The following CMTM7 variants were observed in gnomAD, a reference collection of about 807,000 sequenced individuals.
CMTM7 encodes the protein CKLF-like MARVEL transmembrane domain-containing protein 7.
In CMTM7, 7 loss-of-function variants were observed where a neutral mutation model predicts 19.3. The observed-to-expected ratio is 0.36, with a 90% CI of 0.21 to 0.68. The LOEUF is 0.68. Ranked by LOEUF, CMTM7 falls within the 30% of genes least tolerant of loss-of-function variation. The pLI is 0.60. For synonymous variants in CMTM7, 87 were observed against 99.3 expected, an observed-to-expected ratio of 0.88 and a Z score of 0.74; for missense variants, 193 against 232.6, an observed-to-expected ratio of 0.83 and a Z score of 1.11.
chr3:32,428,429 T>G (rs140072912), intron 1 of CMTM7, among the ~76,000 whole-genome samples: 22 of 152,268 alleles, frequency 1.4e-4, no homozygotes, highest in African/African-American at 4.3e-4. Flanking sequence ...GGAGTTTCAA[T>G]GAACTGTCAA....
At chr3:32,446,647 G>A (rs1486813235) in intron 2 of CMTM7, among the ~76,000 whole-genome samples, 1 of 152,124 alleles carries the variant, frequency 6.6e-6, no homozygotes, top group Non-Finnish European at 1.5e-5. Context: ...GGGCCTAGTG[G>A]GAGGTGTTTG....
At chr3:32,407,000 G>A (rs1287202004) in intron 1 of CMTM7, among the ~76,000 whole-genome samples, 2 of 152,208 alleles carry the variant, frequency 1.3e-5, no homozygotes, top group Non-Finnish European at 2.9e-5. Flanking sequence ...TAATGAGTTA[G>A]CAGCAGCACC....
At chr3:32,428,525 G>C (rs1200458724) in intron 1 of CMTM7, among the ~76,000 whole-genome samples, 1 of 152,224 alleles carries the variant, frequency 6.6e-6, no homozygotes, top group African/African-American at 2.4e-5. Flanking sequence ...AAGAGGTTTA[G>C]AAAGGAGCGA....
intron 1 of CMTM7, among the ~76,000 whole-genome samples, chr3:32,422,101 A>G (rs1696352944): frequency 6.6e-6 from 1 of 152,042 alleles, no homozygotes; most frequent in Non-Finnish European, 1.5e-5. Flanking sequence ...TAACACTCAT[A>G]CTTCCTTCCC....
At chr3:32,430,197 C>G (rs1456744595) in intron 1 of CMTM7, among the ~76,000 whole-genome samples, 1 of 152,008 alleles carries the variant, frequency 6.6e-6, no homozygotes, top group Admixed American at 6.6e-5. Context: ...TCTGTCACAC[C>G]CCCCCCAAAA....
intron 1 of CMTM7, among the ~76,000 whole-genome samples, chr3:32,438,194 G>A (rs1696625894): frequency 6.6e-6 from 1 of 152,186 alleles, no homozygotes; most frequent in East Asian, 1.9e-4. Flanking sequence ...TGAGAGGGTT[G>A]GAGCTGGCGG....
Position 32,434,080 on chromosome 3 carries a change from G to C in CMTM7, c.160-7760G>C, listed in dbSNP as rs347147. On this transcript the variant is annotated intron_variant, in intron 1 of 4. Transcript: ENST00000334983. The stretch of plus-strand genomic sequence containing the variant: ...GGTGGGTGCCTGTAATCCGAGCTAC[G>C]TGGGAGGCTGAGGTGGGAGAATTAC... 4.0e-3 allele frequency among the ~76,000 whole-genome samples: 604 copies of C among 151,864 alleles called. 6 individuals are homozygous for C. Among genetic ancestry groups the C allele is most frequent in the African/African-American group, 0.014 (582 of 41,384 alleles).
At chr3:32,433,257 C>T (rs188167105) in intron 1 of CMTM7, among the ~76,000 whole-genome samples, 11 of 152,204 alleles carry the variant, frequency 7.2e-5, no homozygotes, top group Middle Eastern at 3.4e-3. Context: ...CTTTCTAGCC[C>T]GAACTTTCTA....
chr3:32,422,094 C>A (rs144926923), intron 1 of CMTM7, among the ~76,000 whole-genome samples: 1 of 152,178 alleles, frequency 6.6e-6, no homozygotes, highest in African/African-American at 2.4e-5. Context: ...CTTTGGCTAA[C>A]ACTCATACTT....
intron 1 of CMTM7, among the ~76,000 whole-genome samples, chr3:32,423,354 T>C (rs1478792027): frequency 6.6e-6 from 1 of 152,218 alleles, no homozygotes; most frequent in Non-Finnish European, 1.5e-5. Flanking sequence ...GAAAAATCAA[T>C]ATGTAGATAT....
chr3:32,452,433 A>G lies in CMTM7; in HGVS notation c.474A>G (p.Ile158Met). The part of the protein sequence containing the change: ...FMATFLCMAS[I>M]WLSYKISCVT... ...CCACCTTCCTCTGCATGGCAAGCAT[A>G]TGGCTGTCCTATAAGATCTCGTGTG... Residue 158 changes from isoleucine (I) to methionine (M), a missense_variant, in exon 4 of 5, where the codon ATA (isoleucine) becomes ATG (methionine). Ile to Met is a conservative substitution (Grantham distance 10). Coordinates refer to ENST00000334983, the MANE Select transcript of CMTM7 (RefSeq NM_138410.4). 6.2e-7 allele frequency: 1 copy of G among 1,614,140 alleles called. No individual in the cohort carries two copies.
chr3:32,427,372 C>A (rs79812644), intron 1 of CMTM7, among the ~76,000 whole-genome samples: 1,769 of 152,202 alleles, frequency 0.012, 25 homozygotes, highest in Middle Eastern at 0.068. Context: ...AAGGAAGTTT[C>A]TTCTCATGAA....
chr3:32,392,604 A>G (rs2125615023), intron 1 of CMTM7, among the ~76,000 whole-genome samples: 1 of 152,312 alleles, frequency 6.6e-6, no homozygotes, highest in South Asian at 2.1e-4. Flanking sequence ...TAGTGGGGAA[A>G]AAGAACTGGG....
chr3:32,411,323 A>G (rs1696172292), intron 1 of CMTM7, among the ~76,000 whole-genome samples: 1 of 152,256 alleles, frequency 6.6e-6, no homozygotes, highest in South Asian at 2.1e-4. Flanking sequence ...ATTTAATTAA[A>G]TATAAATTTT....
chr3:32,436,477 C>T (rs945040943), intron 1 of CMTM7, among the ~76,000 whole-genome samples: 1 of 152,178 alleles, frequency 6.6e-6, no homozygotes, highest in African/African-American at 2.4e-5. Flanking sequence ...ATGCAGGTTC[C>T]AGGCACTGCA....
intron 1 of CMTM7, among the ~76,000 whole-genome samples, chr3:32,431,110 G>A (rs1421872162): frequency 6.6e-5 from 10 of 152,284 alleles, no homozygotes; most frequent in African/African-American, 2.4e-4. Context: ...AACTTCCTGG[G>A]CAGTGATAAG....
chr3:32,419,881 G>T (rs1370211231), intron 1 of CMTM7, among the ~76,000 whole-genome samples: 1 of 152,112 alleles, frequency 6.6e-6, no homozygotes, highest in Non-Finnish European at 1.5e-5. Context: ...ATGTATTCAT[G>T]GTCTAGTGTG....
chr3:32,449,098 G>T lies in CMTM7; in HGVS notation c.334-356G>T, dbSNP rs1696793033. Among the ~76,000 whole-genome samples the T allele has an allele frequency of 6.6e-6, 1 of 152,246 alleles. No homozygotes were observed. ...AAACTCTCCAGCCGGGAAGTTGCAA[G>T]AAGCTCGTTTGCTTTTTAGTAGCTT... On this transcript the variant is annotated intron_variant, in intron 2 of 4. Coordinates refer to ENST00000334983, the MANE Select transcript of CMTM7 (RefSeq NM_138410.4). This position sits in a 1 kb window ranked among gnomAD's most constrained non-coding sequence, Gnocchi z 4.5.
chr3:32,412,360 G>A (rs777265285), intron 1 of CMTM7, among the ~76,000 whole-genome samples: 3 of 151,924 alleles, frequency 2.0e-5, no homozygotes, highest in African/African-American at 4.8e-5. Flanking sequence ...GGTGGCGCAC[G>A]CCTCTAGTCC....
Sources: allele counts gnomAD v4.1 joint callset (sites outside exome capture counted in the v4.1 genomes callset), GRCh38; gene constraint gnomAD v4.1.1; non-coding constraint Gnocchi (gnomAD v3.1); transcripts MANE v1.5; gene names NCBI Gene and HGNC (gene_info 2026-07-23, HGNC 2026-07-21).